Variants in RGMB observed in about 807,000 individuals in gnomAD.
RGMB encodes the protein repulsive guidance molecule BMP co-receptor b, also known as repulsive guidance molecule B.
A neutral mutation model predicts 26.9 loss-of-function variants in RGMB; 16 were observed. That is an observed-to-expected ratio of 0.60 (90% CI 0.40 to 0.90). RGMB has a LOEUF of 0.90. RGMB is among the 40% of genes least tolerant of loss of function. RGMB has a pLI of 0.00. For missense variants in RGMB, 512 were observed against 573.3 expected (o/e 0.89, Z 1.09); for synonymous variants, 225 against 229.3 (o/e 0.98, Z 0.17).
chr5:98,793,723 C>T lies in RGMB; in HGVS notation c.1284C>T (p.Leu428=). 1 of 1,598,336 alleles carries T rather than the reference C, an allele frequency of 6.3e-7. No homozygotes were observed. Among genetic ancestry groups the T allele is most frequent in the Non-Finnish European group, 8.5e-7 (1 of 1,171,806 alleles). ...GTGATTTGTCTGTCAGTCTAGGACT[C>T]ACCTGCTTGATCCTTATCGTGTTTT... The part of the protein sequence containing the change: ...GGSDLSVSLG[L]TCLILIVFL Residue 428 remains leucine (L), a synonymous_variant, in exon 3 of 3, where the codon CTC becomes CTT. Transcript: ENST00000513185.
At chr5:98,791,012 G>A (rs1415360605) in intron 2 of RGMB, among the ~76,000 whole-genome samples, 1 of 151,966 alleles carries the variant, frequency 6.6e-6, no homozygotes, top group Non-Finnish European at 1.5e-5. Flanking sequence ...ACTTGTCAAC[G>A]GATTTTAGAG....
intron 2 of RGMB, among the ~76,000 whole-genome samples, chr5:98,783,020 C>A (rs1746656645): frequency 6.6e-6 from 1 of 152,210 alleles, no homozygotes. Flanking sequence ...TGCCTCATCT[C>A]CCCTGGTCTA....
chr5:98,795,969 T>G lies in RGMB; in HGVS notation c.*2216T>G, dbSNP rs944988277. On this transcript the variant is annotated 3_prime_UTR_variant, in exon 3 of 3. Coordinates refer to ENST00000513185, the MANE Select transcript of RGMB (RefSeq NM_001366508.1). ...TTTTGCCATATCATTTAGCTGGAAG[T>G]GACATTTAAAAGCACCCTGCATCAC... The G allele has an allele frequency of 6.6e-6, 1 of 152,170 alleles. No homozygotes were observed. The highest frequency in any genetic ancestry group is 1.5e-5 in the Non-Finnish European group (1 of 68,034). The allele number at this position is 152,170 out of a possible 1,614,324, so 9.4% of individuals were successfully genotyped here.
chr5:98,777,279 A>G (rs866041993), intron 1 of RGMB, among the ~76,000 whole-genome samples: 1 of 152,206 alleles, frequency 6.6e-6, no homozygotes, highest in South Asian at 2.1e-4. Flanking sequence ...TTTATAGACC[A>G]TAAAAAGAAC....
At position 98,780,107 on chromosome 5, in the gene RGMB, T is replaced by G. The variant is rs1746547504; in HGVS notation, c.645+19T>G. 1.9e-6 allele frequency: 3 copies of G among 1,592,682 alleles called. No homozygotes were observed. The highest frequency in any genetic ancestry group is 1.1e-5 in the South Asian group (1 of 89,302). ...AAATAAGGCAAGTATACCTTCTTTTTTCCCTCTCCCTACTCAACTTTCAAA... is the reference window on the plus strand; with the variant it reads ...AAATAAGGCAAGTATACCTTCTTTTGTCCCTCTCCCTACTCAACTTTCAAA... On this transcript the variant is annotated intron_variant, in intron 2 of 2. Transcript: ENST00000513185.
In RGMB at chr5:98,795,315, G is replaced by A. The variant is rs1253470041; in HGVS notation, c.*1562G>A. The A allele has an allele frequency of 6.6e-6, 1 of 152,206 alleles. No homozygotes were observed. The highest frequency in any genetic ancestry group is 1.5e-5 in the Non-Finnish European group (1 of 68,038). The allele number at this position is 152,206 out of a possible 1,614,324, so 9.4% of individuals were successfully genotyped here. ...AAAAGATACTATCTTTACCGTAGTA[G>A]TTCAGGCCAAGATTATGCTTAGTTT... is the stretch of plus-strand genomic sequence containing the variant. On this transcript the variant is annotated 3_prime_UTR_variant, in exon 3 of 3. Coordinates refer to ENST00000513185, the MANE Select transcript of RGMB (RefSeq NM_001366508.1).
rs774964506 is a variant in RGMB, at chr5:98,793,555, T to G, written c.1116T>G (p.Cys372Trp). The change falls in exon 3 of 3, where the codon TGT (cysteine) becomes TGG (tryptophan). Residue 372 changes from cysteine to tryptophan, a missense_variant. Transcript: ENST00000513185. ...TGAAGGACATCTATTTCCAGTCCTG[T>G]GTCTTCGACCTGCTCACCACTGGTG... ...MPVKDIYFQS[C>W]VFDLLTTGDA... 6.2e-7 allele frequency: 1 copy of G among 1,614,064 alleles called. No homozygotes were observed.
chr5:98,782,475 T>C (rs747112317), intron 2 of RGMB, among the ~76,000 whole-genome samples: 9 of 152,238 alleles, frequency 5.9e-5, no homozygotes, highest in Non-Finnish European at 1.3e-4. Flanking sequence ...AAAAAATCTT[T>C]TGAAAAATTT....
At chr5:98,786,997 C>T (rs572652574) in intron 2 of RGMB, among the ~76,000 whole-genome samples, 4 of 152,314 alleles carry the variant, frequency 2.6e-5, no homozygotes, top group Admixed American at 1.3e-4. Flanking sequence ...ACTCACTTCT[C>T]ATCTGCTCTG....
chr5:98,788,231 G>A (rs1173278622), intron 2 of RGMB, among the ~76,000 whole-genome samples: 1 of 152,120 alleles, frequency 6.6e-6, no homozygotes, highest in East Asian at 1.9e-4. Context: ...GTAAACACAG[G>A]TACTGTCTTA....
rs1384673190 is a variant in RGMB, at chr5:98,779,760, A to G, written c.317A>G (p.His106Arg). The G allele has an allele frequency of 2.5e-6, 4 of 1,614,024 alleles. No homozygotes were observed. Among genetic ancestry groups the G allele is most frequent in the Admixed American group, 1.7e-5 (1 of 60,014 alleles). ...SKACRGNLVY[H>R]SAVLGISDLM... The stretch of plus-strand genomic sequence containing the variant: ...GCCTGCCGTGGCAACCTGGTATACC[A>G]TTCTGCCGTGTTGGGTATCAGTGAC... The change falls in exon 2 of 3, where the codon CAT becomes CGT. Residue 106 changes from histidine (H) to arginine (R), a missense_variant. His to Arg is a conservative substitution (Grantham distance 29). Coordinates refer to ENST00000513185, the MANE Select transcript of RGMB (RefSeq NM_001366508.1).
Position 98,774,188 on chromosome 5 carries a change from C to T in RGMB, c.118C>T (p.Leu40Phe). 2.0e-6 allele frequency: 3 copies of T among 1,489,190 alleles called. No homozygotes were observed. Among genetic ancestry groups the T allele is most frequent in the Non-Finnish European group, 1.8e-6 (2 of 1,127,616 alleles). The allele number at this position is 1,489,190 out of a possible 1,614,324, so 92.2% of individuals were successfully genotyped here. The change falls in exon 1 of 3, where the codon CTC becomes TTC. Residue 40 changes from leucine to phenylalanine, a missense_variant. Transcript: ENST00000513185. ...GCTGCTGCTGCTGCTGCTGTTCAGCCTCGGGCTGCTCCACGCAGGTAGGAC... is the reference window on the plus strand; with the variant it reads ...GCTGCTGCTGCTGCTGCTGTTCAGCTTCGGGCTGCTCCACGCAGGTAGGAC... ...LELLLLLLFS[L>F]GLLHAGDCQQ...
intron 1 of RGMB, among the ~76,000 whole-genome samples, chr5:98,776,142 CTG>C (rs1234427022): frequency 6.6e-6 from 1 of 152,116 alleles, no homozygotes; most frequent in Non-Finnish European, 1.5e-5. Flanking sequence ...GTTAAAGAAA[CTG>C]TCTTGAATGG....
chr5:98,774,012 C>T lies in RGMB; in HGVS notation c.-59C>T, dbSNP rs914862192. 3.1e-6 allele frequency: 2 copies of T among 653,596 alleles called. No homozygotes were observed. Among genetic ancestry groups the T allele is most frequent in the Non-Finnish European group, 5.4e-6 (2 of 371,714 alleles). The allele number at this position is 653,596 out of a possible 1,614,324, so 40.5% of individuals were successfully genotyped here. Reference sequence around the variant, plus strand: ...CCATGCCGCAGCCACGGGCCCAGACCCGCCACGGCGCCCGCGCCGCCGCCC... The same window carrying T: ...CCATGCCGCAGCCACGGGCCCAGACTCGCCACGGCGCCCGCGCCGCCGCCC... On this transcript the variant is annotated 5_prime_UTR_variant, in exon 1 of 3. Transcript: ENST00000513185.
At chr5:98,769,053 CCGGAGGGCGGCG>C (rs1331880605), upstream of RGMB, among the ~76,000 whole-genome samples, 1 of 152,242 alleles carries the variant, frequency 6.6e-6, no homozygotes, top group Non-Finnish European at 1.5e-5. Context: ...CGCCGCCGGC[CCGGAGGGCGGCG>C]CGGAGGGTGG....
chr5:98,787,384 C>T (rs74674583), intron 2 of RGMB, among the ~76,000 whole-genome samples: 3,853 of 152,274 alleles, frequency 0.025, 147 homozygotes, highest in African/African-American at 0.088. Context: ...AGCAGGGCCT[C>T]GGGTCTGTAG....
chr5:98,790,216 A>G (rs1468946892), intron 2 of RGMB, among the ~76,000 whole-genome samples: 3 of 152,222 alleles, frequency 2.0e-5, no homozygotes, highest in Admixed American at 6.5e-5. Context: ...TGCTCAGTGC[A>G]TATTTAAACT....
chr5:98,778,462 C>G (rs1746484176), intron 1 of RGMB, among the ~76,000 whole-genome samples: 1 of 152,162 alleles, frequency 6.6e-6, no homozygotes, highest in South Asian at 2.1e-4. Context: ...AGGACCCTCA[C>G]ATTTAAAGAG....
In RGMB at chr5:98,793,438, G is replaced by A; in HGVS notation, c.999G>A (p.Leu333=). 1 of 1,612,244 alleles carries A rather than the reference G, an allele frequency of 6.2e-7. No homozygotes were observed. Among genetic ancestry groups the A allele is most frequent in the South Asian group, 1.1e-5 (1 of 90,698 alleles). Residue 333 remains leucine, a synonymous_variant, in exon 3 of 3, where the codon CTG becomes CTA. Transcript: ENST00000513185. ...GGCAGGGCCAGGTGTCTGCCATCCT[G>A]GGACACAGCCTGCCTCGCACCTCCT... ...DDGQGQVSAI[L]GHSLPRTSLV...
Sources: gnomAD v4.1 joint callset for allele counts (sites outside exome capture counted in the v4.1 genomes callset) on GRCh38, gnomAD v4.1.1 for gene constraint, MANE v1.5 for transcripts, NCBI Gene and HGNC (gene_info 2026-07-23, HGNC 2026-07-21) for gene names.